Variants in ZNF462 observed in about 807,000 individuals in gnomAD.
The protein encoded by ZNF462 is zinc finger PBX1-interacting protein.
In ZNF462, 10 loss-of-function variants were observed where a neutral mutation model predicts 201.9. The ratio of observed to expected loss-of-function variants is 0.05; its 90% confidence interval spans 0.03 to 0.08. ZNF462 has a LOEUF of 0.08. Ranked by LOEUF, ZNF462 falls within the 10% of genes least tolerant of loss-of-function variation. The pLI is 1.00. For synonymous variants in ZNF462, 1,227 were observed against 1,193.3 expected, an observed-to-expected ratio of 1.03 and a Z score of -0.58; for missense variants, 2,523 against 3,168.3, an observed-to-expected ratio of 0.80 and a Z score of 4.89.
intron 1 of ZNF462, among the ~76,000 whole-genome samples, chr9:106,910,371 T>TTTTG (rs1196920288): frequency 0.011 from 1,460 of 132,750 alleles, 27 homozygotes; most frequent in African/African-American, 0.046. Flanking sequence ...AGTTTTTTTT[T>TTTTG]TTTTTTTTTT....
Position 106,924,669 on chromosome 9 carries a change from C to G in ZNF462, c.757C>G (p.Pro253Ala). ...TTGTGAGTGGTGCAGCTACCAGACC[C>G]CCCGCCGAGAACGCTGGTGTGACCA... ...FCCEWCSYQT[P>A]RRERWCDHMM... The change falls in exon 3 of 13, where the codon CCC becomes GCC. Residue 253 changes from proline to alanine, a missense_variant. Pro to Ala is a conservative substitution (Grantham distance 27, BLOSUM62 -1). Transcript: ENST00000277225. This position sits in a 1 kb window ranked among gnomAD's most constrained non-coding sequence, Gnocchi z 6.2. 2 of 1,614,130 alleles carry G rather than the reference C, an allele frequency of 1.2e-6. No homozygotes were observed. The highest frequency in any genetic ancestry group is 1.7e-6 in the Non-Finnish European group (2 of 1,180,006).
intron 1 of ZNF462, among the ~76,000 whole-genome samples, chr9:106,900,203 C>CAT (rs1415869838): frequency 9.7e-5 from 13 of 134,652 alleles, no homozygotes; most frequent in African/African-American, 3.6e-4. Context: ...AGTATTCCAT[C>CAT]GTGTGTGTGT....
Position 106,927,887 on chromosome 9 carries a change from C to G in ZNF462, c.3975C>G (p.Asn1325Lys). The change falls in exon 3 of 13, where the codon AAC becomes AAG. Residue 1325 changes from asparagine (N) to lysine (K), a missense_variant. Around this residue, in one of 15 missense-constraint regions of ZNF462, gnomAD observed 222 missense variants for 271.6 expected, o/e 0.82. Transcript: ENST00000277225. ...EWCIYSHTEP[N>K]GLLLHYQRRH... ...GCATCTACTCCCATACGGAGCCCAA[C>G]GGTTTGCTCCTGCATTACCAACGGA... The G allele has an allele frequency of 6.2e-7, 1 of 1,614,216 alleles. No individual in the cohort carries two copies. Among genetic ancestry groups the G allele is most frequent in the Non-Finnish European group, 8.5e-7 (1 of 1,180,052 alleles).
intron 10 of ZNF462, among the ~76,000 whole-genome samples, chr9:107,001,638 A>G (rs1829192844): frequency 6.6e-6 from 1 of 152,200 alleles, no homozygotes; most frequent in African/African-American, 2.4e-5. Context: ...AGGTGCTACA[A>G]GCAAAAGTCC....
At chr9:106,862,571 C>T (rs1200143364), upstream of ZNF462, among the ~76,000 whole-genome samples, 4 of 152,012 alleles carry the variant, frequency 2.6e-5, no homozygotes, top group African/African-American at 9.7e-5. The surrounding 1 kb of genome is among the most constrained non-coding windows in gnomAD (Gnocchi z 4.2). Context: ...TCCTTCTCCT[C>T]CTCTTCCTCC....
At position 106,932,144 on chromosome 9, in the gene ZNF462, G is replaced by C; in HGVS notation, c.6013-302G>C. 6.9e-7 allele frequency: 1 copy of C among 1,441,284 alleles called. No homozygotes were observed. The highest frequency in any genetic ancestry group is 1.4e-5 in the South Asian group (1 of 71,474). 89.3% of individuals were successfully genotyped at this position (1,441,284 alleles called of 1,614,324 possible). On this transcript the variant is annotated intron_variant, in intron 4 of 12. Coordinates refer to ENST00000277225, the MANE Select transcript of ZNF462 (RefSeq NM_021224.6). The surrounding 1 kb of genome is among the most constrained non-coding windows in gnomAD (Gnocchi z 6.8). ...GGTAGCTGGAGAGGCAGGGGAGGAA[G>C]CTTTGACAAGAAGTGCTGTTGAGTT...
chr9:106,945,837 G>A (rs187140206), intron 7 of ZNF462, among the ~76,000 whole-genome samples: 9 of 152,254 alleles, frequency 5.9e-5, no homozygotes, highest in African/African-American at 2.2e-4. Flanking sequence ...GTTATTACCT[G>A]GAAATCTACA....
chr9:106,869,147 C>A (rs1458768092), intron 1 of ZNF462, among the ~76,000 whole-genome samples: 1 of 152,172 alleles, frequency 6.6e-6, no homozygotes, highest in Admixed American at 6.5e-5. Flanking sequence ...CTCTGAGGAT[C>A]TATTTTGCAA....
At chr9:106,860,406 T>TG (rs1388334970), upstream of ZNF462, among the ~76,000 whole-genome samples, 2 of 152,246 alleles carry the variant, frequency 1.3e-5, no homozygotes, top group South Asian at 2.1e-4. This position sits in a 1 kb window ranked among gnomAD's most constrained non-coding sequence, Gnocchi z 7.1. Flanking sequence ...CGGGAAGCCC[T>TG]TTGGTGCCCC....
chr9:106,976,694 T>C (rs1471396455), intron 9 of ZNF462: 1 of 152,160 alleles, frequency 6.6e-6, no homozygotes, highest in Non-Finnish European at 1.5e-5. Flanking sequence ...ATAGTAATAA[T>C]AACAACATTA....
At chr9:106,888,938 CAA>C (rs973891903) in intron 1 of ZNF462, among the ~76,000 whole-genome samples, 6 of 152,246 alleles carry the variant, frequency 3.9e-5, no homozygotes, top group African/African-American at 1.4e-4. Flanking sequence ...AATTTCTACA[CAA>C]AACTGGGAAC....
chr9:107,000,463 A>G (rs1829101759), intron 10 of ZNF462, among the ~76,000 whole-genome samples: 1 of 152,108 alleles, frequency 6.6e-6, no homozygotes, highest in Non-Finnish European at 1.5e-5. Flanking sequence ...TAATGGGCTC[A>G]GGAATGTGGA....
chr9:106,969,874 G>T (rs1826499654), intron 7 of ZNF462, among the ~76,000 whole-genome samples: 1 of 152,154 alleles, frequency 6.6e-6, no homozygotes, highest in Non-Finnish European at 1.5e-5. Flanking sequence ...ATTACCAAGA[G>T]GACAGAAGCT....
chr9:106,874,588 A>G (rs1470448362), intron 1 of ZNF462, among the ~76,000 whole-genome samples: 3 of 152,212 alleles, frequency 2.0e-5, no homozygotes, highest in Non-Finnish European at 4.4e-5. Flanking sequence ...TGAAAAGAAA[A>G]CCACATTTTC....
In ZNF462 at chr9:106,923,444, G is replaced by A. The variant is rs760906475; in HGVS notation, c.61G>A (p.Ala21Thr). 28 of 1,614,054 alleles carry A rather than the reference G, an allele frequency of 1.7e-5. No individual in the cohort carries two copies. The highest frequency in any genetic ancestry group is 2.3e-5 in the Non-Finnish European group (27 of 1,180,050). Reference protein sequence around the residue: ...FRAPSYEDLKAHIQDVHTAFL... With the variant: ...FRAPSYEDLKTHIQDVHTAFL... The stretch of plus-strand genomic sequence containing the variant: ...AGCCCCGTCTTATGAAGATCTCAAG[G>A]CACACATTCAGGATGTCCACACGGC... Residue 21 changes from alanine to threonine, a missense_variant, in exon 2 of 13, where the codon GCA (alanine) becomes ACA (threonine). By Grantham distance (58) the Ala-to-Thr change is moderately conservative. This residue lies in a region of ZNF462 where 480 missense variants were observed against 544.4 expected (regional missense o/e 0.88). Transcript: ENST00000277225. The surrounding 1 kb of genome is among the most constrained non-coding windows in gnomAD (Gnocchi z 5.6).
At chr9:106,898,071 TATC>T (rs1483596191) in intron 1 of ZNF462, among the ~76,000 whole-genome samples, 3 of 152,238 alleles carry the variant, frequency 2.0e-5, no homozygotes, top group Non-Finnish European at 2.9e-5. Flanking sequence ...GGATGCATGT[TATC>T]ATCAGTTTAT....
intron 9 of ZNF462, chr9:106,975,291 A>T (rs1296359557): frequency 1.3e-5 from 2 of 152,124 alleles, no homozygotes; most frequent in Admixed American, 6.5e-5. Flanking sequence ...TTTGTCACAT[A>T]TGCCTCAAAA....
In ZNF462 at chr9:106,930,220, G is replaced by A. The variant is rs1047984330; in HGVS notation, c.5848-305G>A. Among the ~76,000 whole-genome samples the A allele has an allele frequency of 3.3e-5, 5 of 152,026 alleles. No individual in the cohort carries two copies. The highest frequency in any genetic ancestry group is 7.4e-5 in the Non-Finnish European group (5 of 68,020). On this transcript the variant is annotated intron_variant, in intron 3 of 12. Transcript: ENST00000277225. The surrounding 1 kb of genome is among the most constrained non-coding windows in gnomAD (Gnocchi z 5.8). Reference sequence around the variant, plus strand: ...TTCATTAATGGCGCAACTATGCAACGTTTCACCTGCCTAGTTGAAACTGGT... The same window carrying A: ...TTCATTAATGGCGCAACTATGCAACATTTCACCTGCCTAGTTGAAACTGGT...
chr9:106,991,909 A>G (rs2132421515), intron 10 of ZNF462, among the ~76,000 whole-genome samples: 1 of 151,308 alleles, frequency 6.6e-6, no homozygotes, highest in Middle Eastern at 3.4e-3. Context: ...GTAAGCTTAA[A>G]TGTGTGAGCT....
Sources: allele counts gnomAD v4.1 joint callset (sites outside exome capture counted in the v4.1 genomes callset), GRCh38; gene constraint gnomAD v4.1.1; regional missense constraint gnomAD v4.1.1; non-coding constraint Gnocchi (gnomAD v3.1); transcripts MANE v1.5; gene names NCBI Gene and HGNC (gene_info 2026-07-23, HGNC 2026-07-21).